Variants in SLC8A1 observed in about 807,000 individuals in gnomAD.
SLC8A1 encodes the protein sodium/calcium exchanger 1.
SLC8A1 carries 18 observed loss-of-function variants against 68.3 expected under a neutral mutation model. The ratio of observed to expected loss-of-function variants is 0.26; its 90% CI spans 0.18 to 0.39. The LOEUF is 0.39. Among genes scored for constraint, SLC8A1 ranks in the 10% least tolerant of loss-of-function variants. SLC8A1 has a pLI of 1.00. For missense variants in SLC8A1, 985 were observed against 1,156.7 expected (o/e 0.85, Z 2.15); for synonymous variants, 475 against 415.5 (o/e 1.14, Z -1.74).
chr2:40,503,424 T>G (rs1017008750), intron 1 of SLC8A1, among the ~76,000 whole-genome samples: 1 of 152,000 alleles, frequency 6.6e-6, no homozygotes, highest in Non-Finnish European at 1.5e-5. Flanking sequence ...CTGGTGTACT[T>G]TTTATTCAAC....
chr2:40,450,870 T>C (rs1399219488), intron 1 of SLC8A1, among the ~76,000 whole-genome samples: 2 of 151,984 alleles, frequency 1.3e-5, no homozygotes, highest in Non-Finnish European at 2.9e-5. Context: ...TTAAATTTCA[T>C]CACCCCTGTT....
At chr2:40,286,295 T>C (rs1475026937) in intron 2 of SLC8A1, among the ~76,000 whole-genome samples, 5 of 152,068 alleles carry the variant, frequency 3.3e-5, no homozygotes, top group Admixed American at 3.3e-4. Context: ...TGTTCAGCTG[T>C]TCCTTATTCA....
rs201335060 is a variant in SLC8A1, at chr2:40,457,652, C to T, written c.-24-27348G>A. On this transcript the variant is annotated intron_variant, in intron 1 of 7. Transcript: ENST00000402441. The stretch of plus-strand genomic sequence containing the variant: ...CTCATACAGTGTGACCTAAAGAATC[C>T]TTAGTAATCACAAACAAGTAATACT... Among the ~76,000 whole-genome samples the T allele has an allele frequency of 6.6e-5, 10 of 152,174 alleles. No individual in the cohort carries two copies. In the East Asian group the frequency reaches 1.9e-3, roughly 29 times the overall value.
chr2:40,347,655 G>T (rs1411511672), intron 2 of SLC8A1, among the ~76,000 whole-genome samples: 1 of 152,030 alleles, frequency 6.6e-6, no homozygotes, highest in Non-Finnish European at 1.5e-5. Context: ...ACATCTATTG[G>T]CTTTAATCGA....
At chr2:40,109,768 CTT>C (rs1263948308) in exon 8 of SLC8A1, 3 of 152,134 alleles carry the variant, frequency 2.0e-5, no homozygotes, top group East Asian at 3.9e-4. Flanking sequence ...CTCTCCAACT[CTT>C]TGAAAAAATG....
intron 1 of SLC8A1, among the ~76,000 whole-genome samples, chr2:40,478,789 T>TA (rs1704449623): frequency 6.6e-6 from 1 of 151,772 alleles, no homozygotes; most frequent in South Asian, 2.1e-4. Context: ...TTTTTTTTTT[T>TA]AGACAGAGTT....
chr2:40,246,438 C>T (rs2061878127), intron 2 of SLC8A1, among the ~76,000 whole-genome samples: 1 of 152,180 alleles, frequency 6.6e-6, no homozygotes, highest in Non-Finnish European at 1.5e-5. Context: ...GTAAATGCTT[C>T]CAACTAGTCC....
intron 1 of SLC8A1, among the ~76,000 whole-genome samples, chr2:40,469,715 CTG>C (rs1339105910): frequency 6.6e-6 from 1 of 151,966 alleles, no homozygotes. Flanking sequence ...TCTCTGTCCC[CTG>C]TCTTTCCTAT....
At chr2:40,307,451 G>C (rs560031226) in intron 2 of SLC8A1, among the ~76,000 whole-genome samples, 13 of 152,244 alleles carry the variant, frequency 8.5e-5, no homozygotes, top group African/African-American at 2.4e-4. Flanking sequence ...AAGTTCTGGA[G>C]ATCTGTTCCG....
intron 2 of SLC8A1, chr2:40,251,186 CAATAGA>C (rs2062691293): frequency 6.6e-6 from 1 of 151,320 alleles, no homozygotes. Context: ...AAAAAAAAAT[CAATAGA>C]AATAATTCAG....
chr2:40,263,768 C>T (rs1359826969), intron 2 of SLC8A1, among the ~76,000 whole-genome samples: 1 of 152,138 alleles, frequency 6.6e-6, no homozygotes, highest in African/African-American at 2.4e-5. Context: ...CTAGGCAATA[C>T]CATTCAGGAC....
intron 2 of SLC8A1, among the ~76,000 whole-genome samples, chr2:40,327,432 T>C (rs2075952242): frequency 6.6e-6 from 1 of 152,234 alleles, no homozygotes; most frequent in African/African-American, 2.4e-5. Flanking sequence ...AACTGTTTCA[T>C]GACACTTAAT....
chr2:40,131,097 TTCTC>T, intron 7 of SLC8A1, among the ~76,000 whole-genome samples: 1 of 152,210 alleles, frequency 6.6e-6, no homozygotes, highest in East Asian at 1.9e-4. Flanking sequence ...ACTTTATAAA[TTCTC>T]TCTCATGTAA....
intron 1 of SLC8A1, among the ~76,000 whole-genome samples, chr2:40,464,309 A>T (rs1288768033): frequency 6.6e-6 from 1 of 152,232 alleles, no homozygotes; most frequent in East Asian, 1.9e-4. Context: ...GCACTGGCTG[A>T]ATTCTAGCAT....
At chr2:40,486,529 C>A (rs533165767) in intron 1 of SLC8A1, among the ~76,000 whole-genome samples, 4 of 152,090 alleles carry the variant, frequency 2.6e-5, no homozygotes, top group African/African-American at 4.8e-5. Flanking sequence ...AATTTTCATA[C>A]TCCATAGTGT....
chr2:40,184,494 ACACCTTTAGTATTCAGGCAT>A (rs2050256441), intron 2 of SLC8A1, among the ~76,000 whole-genome samples: 1 of 152,120 alleles, frequency 6.6e-6, no homozygotes. Flanking sequence ...AGGTGAGAAA[ACACCTTTAGTATTCAGGCAT>A]CAGCGTTTAC....
At chr2:40,414,053 G>C (rs974654030) in intron 2 of SLC8A1, among the ~76,000 whole-genome samples, 2 of 152,046 alleles carry the variant, frequency 1.3e-5, no homozygotes, top group Non-Finnish European at 2.9e-5. Flanking sequence ...CACCATAATG[G>C]CATGAACAAT....
chr2:40,177,827 G>T (rs925677488), exon 3 of SLC8A1: 3 of 1,550,788 alleles, frequency 1.9e-6, no homozygotes, highest in Non-Finnish European at 2.6e-6. Context: ...TATTCCTCAC[G>T]GTCAAATATT....
Position 40,428,756 on chromosome 2 carries a change from T to G in SLC8A1, c.1525A>C (p.Ile509Leu), listed in dbSNP as rs577937330. ...GTAGAAACATGATTGGCTTCCAGTA[T>G]GCCATCTTCTGAAGCTTCAGAAGAT... The change falls in exon 2 of 8, where the codon ATA becomes CTA. Residue 509 changes from isoleucine (I) to leucine (L), a missense_variant. Ile to Leu is a conservative substitution (Grantham distance 5). Around this residue, in one of 5 missense-constraint regions of SLC8A1, gnomAD observed 584 missense variants for 565.9 expected, o/e 1.03. Coordinates refer to ENST00000406785, the Ensembl canonical transcript of SLC8A1. The G allele has an allele frequency of 1.2e-6, 2 of 1,613,858 alleles. No homozygotes were observed. The highest frequency in any genetic ancestry group is 2.7e-5 in the African/African-American group (2 of 75,026).
Sources: allele counts gnomAD v4.1 joint callset (sites outside exome capture counted in the v4.1 genomes callset), GRCh38; gene constraint gnomAD v4.1.1; regional missense constraint gnomAD v4.1.1; transcripts MANE v1.5; gene names NCBI Gene and HGNC (gene_info 2026-07-23, HGNC 2026-07-21).